The following ITGA1 variants were observed in gnomAD, a reference collection of about 807,000 sequenced individuals.
ITGA1 encodes the protein integrin alpha-1.
ITGA1 carries 85 observed loss-of-function variants against 145.9 expected under a neutral mutation model. The ratio of observed to expected loss-of-function variants is 0.58; its 90% confidence interval spans 0.49 to 0.70. ITGA1 has a LOEUF of 0.70. Ranked by LOEUF, ITGA1 falls within the 30% of genes least tolerant of loss-of-function variation. The pLI, the probability that ITGA1 is intolerant of heterozygous loss-of-function variation, is 0.00. For synonymous variants in ITGA1, 520 were observed against 495.3 expected, an observed-to-expected ratio of 1.05 and a Z score of -0.66; for missense variants, 1,351 against 1,418.7, an observed-to-expected ratio of 0.95 and a Z score of 0.77.
chr5:52,791,617 C>A (rs1375228310), intron 1 of ITGA1, among the ~76,000 whole-genome samples: 1 of 152,090 alleles, frequency 6.6e-6, no homozygotes, highest in Non-Finnish European at 1.5e-5. Flanking sequence ...AACTTAACCC[C>A]GAAATGTATT....
intron 1 of ITGA1, chr5:52,800,921 C>T: frequency 6.2e-7 from 1 of 1,614,086 alleles, no homozygotes; most frequent in Non-Finnish European, 8.5e-7. Context: ...GGCAATTGCT[C>T]TCAGCATGAC....
intron 15 of ITGA1, among the ~76,000 whole-genome samples, chr5:52,916,646 A>C (rs1158483521): frequency 7.2e-5 from 11 of 152,112 alleles, no homozygotes; most frequent in Admixed American, 7.2e-4. Flanking sequence ...AGAAGACTGA[A>C]GGGTGATACC....
Position 52,890,284 on chromosome 5 carries a change from A to G in ITGA1, c.924+2319A>G, listed in dbSNP as rs895345284. On this transcript the variant is annotated intron_variant, in intron 8 of 28. Coordinates refer to ENST00000282588, the MANE Select transcript of ITGA1 (RefSeq NM_181501.2). ...AAAAAATAAATTTTAAGAATATTTC[A>G]TTGTTTTTAACATTTTAAAAAGAGT... 3.3e-5 allele frequency among the ~76,000 whole-genome samples: 5 copies of G among 152,342 alleles called. No homozygotes were observed. The East Asian group carries it at 7.7e-4, about 23-fold the overall frequency.
intron 8 of ITGA1, 71 bp from the exon 9 acceptor site, chr5:52,893,604 A>G (rs779736689): frequency 2.8e-6 from 4 of 1,405,124 alleles, no homozygotes; most frequent in Non-Finnish European, 3.9e-6. Context: ...GTTTACTGAC[A>G]AAATGCTTGA....
intron 1 of ITGA1, among the ~76,000 whole-genome samples, chr5:52,814,388 C>T (rs1748732720): frequency 6.6e-6 from 1 of 152,044 alleles, no homozygotes. Context: ...TCTGCCTACC[C>T]CAGGCTCCCA....
intron 1 of ITGA1, chr5:52,800,314 G>A: frequency 6.6e-7 from 1 of 1,517,138 alleles, no homozygotes; most frequent in South Asian, 1.2e-5. Flanking sequence ...TTCCTGGCCT[G>A]CATTCCCATC....
intron 1 of ITGA1, among the ~76,000 whole-genome samples, chr5:52,821,137 G>T (rs1460724296): frequency 6.6e-6 from 1 of 152,138 alleles, no homozygotes; most frequent in Non-Finnish European, 1.5e-5. Context: ...ATAGATAAAG[G>T]CACGTTTATA....
At chr5:52,819,114 C>T (rs1580046252) in intron 1 of ITGA1, among the ~76,000 whole-genome samples, 1 of 152,284 alleles carries the variant, frequency 6.6e-6, no homozygotes, top group African/African-American at 2.4e-5. Context: ...CACACGTGTG[C>T]ATGTGTCTTT....
In ITGA1 at chr5:52,858,788, C is replaced by T. The variant is rs75266336; in HGVS notation, c.183-2659C>T. Among the ~76,000 whole-genome samples the T allele has an allele frequency of 6.8e-3, 1,039 of 151,990 alleles. 16 individuals carry two copies. Among genetic ancestry groups the T allele is most frequent in the African/African-American group, 0.024 (994 of 41,486 alleles). On this transcript the variant is annotated intron_variant, in intron 2 of 28. Coordinates refer to ENST00000282588, the MANE Select transcript of ITGA1 (RefSeq NM_181501.2). ...TTGTTTATTCATCTGAAATAAATAC[C>T]TAATAATAATAAGAACTAACATTTA...
intron 1 of ITGA1, chr5:52,801,441 G>C (rs779341584): frequency 1.1e-4 from 181 of 1,613,932 alleles, no homozygotes; most frequent in Non-Finnish European, 1.4e-4. Flanking sequence ...AGTACTCCCT[G>C]AAAGAGGCCC....
intron 1 of ITGA1, among the ~76,000 whole-genome samples, chr5:52,809,625 C>G (rs1041246688): frequency 6.6e-6 from 1 of 151,884 alleles, no homozygotes. Flanking sequence ...GTGCCTCACC[C>G]TCCCCAGTAG....
intron 1 of ITGA1, among the ~76,000 whole-genome samples, chr5:52,848,394 C>T (rs572710240): frequency 8.5e-5 from 13 of 152,324 alleles, no homozygotes; most frequent in African/African-American, 2.9e-4. Context: ...GGGCTCACTG[C>T]TGGAAAACTA....
At chr5:52,928,478 G>T (rs1224612306) in intron 20 of ITGA1, among the ~76,000 whole-genome samples, 1 of 152,092 alleles carries the variant, frequency 6.6e-6, no homozygotes, top group Non-Finnish European at 1.5e-5. Flanking sequence ...TATTTCAGTG[G>T]GTTTTAGTAT....
At position 52,788,428 on chromosome 5, in the gene ITGA1, T is replaced by C; in HGVS notation, c.61+14T>C. On this transcript the variant is annotated intron_variant, in intron 1 of 28. Transcript: ENST00000282588. The stretch of plus-strand genomic sequence containing the variant: ...GGCTCCTCACTGGTGAGCGACTCGC[T>C]TTTCTCTGAGCATCTCCTGCTCGCG... The C allele has an allele frequency of 1.3e-6, 2 of 1,503,176 alleles. No individual in the cohort carries two copies. The highest frequency in any genetic ancestry group is 2.2e-5 in the Admixed American group (1 of 45,726). 93.1% of individuals were successfully genotyped at this position (1,503,176 alleles called of 1,614,324 possible). A position where few individuals can be genotyped will look rare whatever the true frequency, so the allele number is the denominator to read the frequency against.
intron 26 of ITGA1, among the ~76,000 whole-genome samples, chr5:52,940,594 T>C (rs1476774045): frequency 4.6e-5 from 7 of 151,924 alleles, no homozygotes; most frequent in Non-Finnish European, 8.8e-5. Flanking sequence ...TGTATTTTAG[T>C]AGAGACTATG....
At chr5:52,901,292 C>T (rs750455166) in intron 11 of ITGA1, among the ~76,000 whole-genome samples, 8 of 152,090 alleles carry the variant, frequency 5.3e-5, no homozygotes, top group Non-Finnish European at 8.8e-5. Context: ...GATAGGCTCC[C>T]GAAAGGAACA....
intron 21 of ITGA1, chr5:52,931,316 C>CATCT (rs1441456885): frequency 6.6e-6 from 1 of 152,096 alleles, no homozygotes; most frequent in African/African-American, 2.4e-5. Context: ...AAAACAAAGA[C>CATCT]AGATAAGTAA....
chr5:52,910,301 A>G lies in ITGA1; in HGVS notation c.1739A>G (p.Asp580Gly). 6.2e-7 allele frequency: 1 copy of G among 1,614,008 alleles called. No homozygotes were observed. Among genetic ancestry groups the G allele is most frequent in the Non-Finnish European group, 8.5e-7 (1 of 1,179,950 alleles). ...RFGTAIAAVK[D>G]LNLDGFNDIV... Reference sequence around the variant, plus strand: ...GGAACTGCAATTGCTGCTGTAAAAGACCTCAATCTTGATGGATTTAATGAC... The same window carrying G: ...GGAACTGCAATTGCTGCTGTAAAAGGCCTCAATCTTGATGGATTTAATGAC... Residue 580 changes from aspartate (D) to glycine (G), a missense_variant, in exon 14 of 29, where the codon GAC becomes GGC. By Grantham distance (94) the Asp-to-Gly change is moderately conservative (BLOSUM62 -1). Coordinates refer to ENST00000282588, the MANE Select transcript of ITGA1 (RefSeq NM_181501.2).
At chr5:52,905,299 T>G (rs372349289) in intron 11 of ITGA1, 1 of 152,432 alleles carries the variant, frequency 6.6e-6, no homozygotes, top group African/African-American at 2.4e-5. Flanking sequence ...TCTTTATGCT[T>G]TAACCAAGAG....
Sources: gnomAD v4.1 joint callset for allele counts (sites outside exome capture counted in the v4.1 genomes callset) on GRCh38, gnomAD v4.1.1 for gene constraint, MANE v1.5 for transcripts, NCBI Gene and HGNC (gene_info 2026-07-23, HGNC 2026-07-21) for gene names.